The following CHMP4B variants were observed in gnomAD, a reference collection of about 807,000 sequenced individuals.
CHMP4B encodes charged multivesicular body protein 4B.
Under a neutral mutation model 25.1 loss-of-function variants are expected in CHMP4B, and 1 was observed. That is an observed-to-expected ratio of 0.04 (90% CI 0.01 to 0.19). The LOEUF (loss-of-function observed/expected upper bound fraction) is 0.19, where lower values mean the gene tolerates loss of function less well. CHMP4B is among the 10% of genes least tolerant of loss of function. CHMP4B has a pLI of 1.00. For missense variants in CHMP4B, 151 were observed against 289.7 expected (o/e 0.52, Z 3.48); for synonymous variants, 101 against 115.6 (o/e 0.87, Z 0.81).
intron 4 of CHMP4B, among the ~76,000 whole-genome samples, chr20:33,852,554 C>T (rs982115828): frequency 2.0e-5 from 3 of 152,126 alleles, no homozygotes; most frequent in South Asian, 2.1e-4. Flanking sequence ...CAGTAGCAAC[C>T]GCCATGAGTT....
intron 1 of CHMP4B, among the ~76,000 whole-genome samples, chr20:33,837,000 A>G (rs1229623566): frequency 1.3e-5 from 2 of 152,184 alleles, no homozygotes; most frequent in East Asian, 3.8e-4. Context: ...ACAAGCTTTG[A>G]GATAATCTCT....
At chr20:33,844,555 G>A (rs1001791882) in intron 1 of CHMP4B, among the ~76,000 whole-genome samples, 1 of 152,102 alleles carries the variant, frequency 6.6e-6, no homozygotes, top group African/African-American at 2.4e-5. Context: ...AGGAAGTTAG[G>A]GTTGGCATAC....
intron 1 of CHMP4B, among the ~76,000 whole-genome samples, chr20:33,841,400 G>C (rs1191235212): frequency 1.3e-5 from 2 of 152,252 alleles, no homozygotes; most frequent in African/African-American, 2.4e-5. Flanking sequence ...GAACTCTCCA[G>C]CTGTGTGGGA....
intron 4 of CHMP4B, among the ~76,000 whole-genome samples, chr20:33,853,189 C>T (rs1362194976): frequency 6.6e-6 from 1 of 152,192 alleles, no homozygotes; most frequent in Non-Finnish European, 1.5e-5. Flanking sequence ...TTCCCACTCT[C>T]CTCCCACCTT....
intron 1 of CHMP4B, among the ~76,000 whole-genome samples, chr20:33,846,850 A>C (rs1026433916): frequency 1.5e-4 from 23 of 152,208 alleles, no homozygotes; most frequent in African/African-American, 5.3e-4. Flanking sequence ...AGTCCAGCTC[A>C]GCCATTTCTT....
intron 1 of CHMP4B, among the ~76,000 whole-genome samples, chr20:33,842,109 A>C (rs968563083): frequency 6.6e-6 from 1 of 152,152 alleles, no homozygotes; most frequent in Non-Finnish European, 1.5e-5. Context: ...AGCCCCCTCT[A>C]TTCTTGATGC....
intron 1 of CHMP4B, among the ~76,000 whole-genome samples, chr20:33,812,062 C>A (rs886328720): frequency 6.6e-6 from 1 of 152,128 alleles, no homozygotes. Flanking sequence ...CCTGGTCCTA[C>A]CTGTGCCCTC....
At chr20:33,843,167 G>A (rs956227716) in intron 1 of CHMP4B, among the ~76,000 whole-genome samples, 2 of 152,216 alleles carry the variant, frequency 1.3e-5, no homozygotes, top group Admixed American at 1.3e-4. Flanking sequence ...CTAAATAGCT[G>A]TTTGGAGGGG....
intron 1 of CHMP4B, among the ~76,000 whole-genome samples, chr20:33,843,912 G>C (rs547180045): frequency 4.6e-5 from 7 of 152,238 alleles, no homozygotes; most frequent in Non-Finnish European, 1.0e-4. Flanking sequence ...TGTTTCTGTG[G>C]GGGAAAATTA....
Position 33,853,639 on chromosome 20 carries a change from C to A in CHMP4B, c.*79C>A. On this transcript the variant is annotated 3_prime_UTR_variant, in exon 5 of 5. Transcript: ENST00000217402. ...CAGGCGTGTGCGTGTGTGGGGCAGG[C>A]AGGATGTGGTGCAGGCAGGTTCCAT... 7.7e-7 allele frequency: 1 copy of A among 1,301,552 alleles called. No homozygotes were observed. Among genetic ancestry groups the A allele is most frequent in the Non-Finnish European group, 1.1e-6 (1 of 897,342 alleles). 80.6% of individuals were successfully genotyped at this position (1,301,552 alleles called of 1,614,324 possible). A position where few individuals can be genotyped will look rare whatever the true frequency, so the allele number is the denominator to read the frequency against.
chr20:33,842,457 G>C (rs1181122689), intron 1 of CHMP4B, among the ~76,000 whole-genome samples: 4 of 152,206 alleles, frequency 2.6e-5, no homozygotes, highest in Non-Finnish European at 5.9e-5. Context: ...CTGAATATCT[G>C]AGTTTATTCA....
intron 1 of CHMP4B, 53 bp from the exon 2 acceptor site, chr20:33,848,414 G>C: frequency 6.3e-7 from 1 of 1,591,316 alleles, no homozygotes; most frequent in Non-Finnish European, 8.6e-7. Flanking sequence ...AGTGACACTA[G>C]AACCTCACCC....
At chr20:33,821,540 A>T (rs2122785771) in intron 1 of CHMP4B, among the ~76,000 whole-genome samples, 1 of 152,224 alleles carries the variant, frequency 6.6e-6, no homozygotes, top group South Asian at 2.1e-4. Flanking sequence ...TTACTCTGTG[A>T]CTCCTCCAGT....
chr20:33,814,197 T>A (rs1978719694), intron 1 of CHMP4B, among the ~76,000 whole-genome samples: 2 of 152,176 alleles, frequency 1.3e-5, no homozygotes, highest in Non-Finnish European at 2.9e-5. Context: ...CTTTTTAGCA[T>A]CCTCTAGGAG....
At chr20:33,825,169 C>G (rs539062500) in intron 1 of CHMP4B, among the ~76,000 whole-genome samples, 118 of 152,252 alleles carry the variant, frequency 7.8e-4, no homozygotes, top group African/African-American at 2.7e-3. Flanking sequence ...GAAACCTTTT[C>G]TAATTTCAAA....
chr20:33,847,279 A>C (rs1979712098), intron 1 of CHMP4B, among the ~76,000 whole-genome samples: 1 of 148,122 alleles, frequency 6.8e-6, no homozygotes, highest in Admixed American at 7.0e-5. Flanking sequence ...TTCTTCTTAG[A>C]TGTACTGTTT....
At chr20:33,846,034 G>GA (rs1277574816) in intron 1 of CHMP4B, among the ~76,000 whole-genome samples, 10 of 152,188 alleles carry the variant, frequency 6.6e-5, no homozygotes, top group Admixed American at 2.0e-4. Flanking sequence ...TTCAGCAAAG[G>GA]AATCGTTGGA....
chr20:33,848,063 C>T (rs1979737241), intron 1 of CHMP4B, among the ~76,000 whole-genome samples: 1 of 151,996 alleles, frequency 6.6e-6, no homozygotes, highest in African/African-American at 2.4e-5. Flanking sequence ...ATGAATGTGC[C>T]AGGTGTTTAC....
chr20:33,849,952 T>G (rs1371299215), intron 2 of CHMP4B, among the ~76,000 whole-genome samples: 1 of 152,134 alleles, frequency 6.6e-6, no homozygotes, highest in Non-Finnish European at 1.5e-5. Context: ...ATTTTTAAAA[T>G]TTTCTGCAGG....
Sources: allele counts gnomAD v4.1 joint callset (sites outside exome capture counted in the v4.1 genomes callset), GRCh38; gene constraint gnomAD v4.1.1; transcripts MANE v1.5; gene names NCBI Gene and HGNC (gene_info 2026-07-23, HGNC 2026-07-21).